Variants in FGD4 observed in about 807,000 individuals in gnomAD.
FGD4 encodes FYVE, RhoGEF and PH domain-containing protein 4.
Under a neutral mutation model 102.0 loss-of-function variants are expected in FGD4, and 42 were observed. The ratio of observed to expected loss-of-function variants is 0.41; its 90% CI spans 0.32 to 0.53. FGD4 has a LOEUF of 0.53. FGD4 is among the 20% of genes least tolerant of loss of function. The probability of loss-of-function intolerance (pLI) is 0.21; values close to 1 mark genes in which losing one functional copy is unlikely to be tolerated. For missense variants in FGD4, 902 were observed against 1,078.2 expected (o/e 0.84, Z 2.29); for synonymous variants, 380 against 375.7 (o/e 1.01, Z -0.13).
intron 1 of FGD4, among the ~76,000 whole-genome samples, chr12:32,467,666 A>T (rs1943297750): frequency 6.6e-6 from 1 of 152,176 alleles, no homozygotes; most frequent in Admixed American, 6.5e-5. Context: ...TTGATTTAAA[A>T]CCAATCTTGT....
chr12:32,589,647 C>G (rs1325020702), intron 4 of FGD4, among the ~76,000 whole-genome samples: 1 of 152,194 alleles, frequency 6.6e-6, no homozygotes, highest in South Asian at 2.1e-4. Flanking sequence ...AAGTTGTTCT[C>G]TCTTCACCAC....
At chr12:32,550,127 G>C (rs1213145765) in intron 1 of FGD4, among the ~76,000 whole-genome samples, 2 of 152,158 alleles carry the variant, frequency 1.3e-5, no homozygotes, top group African/African-American at 4.8e-5. Flanking sequence ...TGAGGGTGAA[G>C]ATAGTGTCTT....
chr12:32,610,865 C>A (rs1315732030), intron 9 of FGD4, 31 bp downstream of exon 9: 1 of 1,601,950 alleles, frequency 6.2e-7, no homozygotes, highest in Non-Finnish European at 8.6e-7. Flanking sequence ...ACAGGAACCT[C>A]TGATTAGACA....
In FGD4 at chr12:32,638,721, A is replaced by C. The variant is rs750992696; in HGVS notation, c.2380A>C (p.Lys794Gln). The stretch of plus-strand genomic sequence containing the variant: ...CTTTCTTCAGTATATGGAGAAGTCA[A>C]AACCTTGGCAGAAAGCTTGGTGTGT... ...CSFLQYMEKS[K>Q]PWQKAWCVIP... The change falls in exon 16 of 17, where the codon AAA becomes CAA. Residue 794 changes from lysine to glutamine, a missense_variant. By Grantham distance (53) the Lys-to-Gln change is moderately conservative. Coordinates refer to ENST00000534526, the MANE Select transcript of FGD4 (RefSeq NM_001370298.3). The C allele has an allele frequency of 1.2e-6, 2 of 1,614,220 alleles. No homozygotes were observed. The highest frequency in any genetic ancestry group is 8.5e-7 in the Non-Finnish European group (1 of 1,180,038).
intron 1 of FGD4, among the ~76,000 whole-genome samples, chr12:32,423,675 C>G (rs1288607281): frequency 6.6e-6 from 1 of 151,200 alleles, no homozygotes; most frequent in Non-Finnish European, 1.5e-5. Context: ...CCATGGGCTG[C>G]TGGTTGACTA....
chr12:32,491,618 AT>A (rs1340035862), intron 1 of FGD4, among the ~76,000 whole-genome samples: 9 of 152,076 alleles, frequency 5.9e-5, no homozygotes, highest in Admixed American at 5.9e-4. Flanking sequence ...TTCATTTCTT[AT>A]GTTTGTGAAA....
intron 2 of FGD4, among the ~76,000 whole-genome samples, chr12:32,571,138 T>C (rs1452680598): frequency 6.6e-6 from 1 of 152,228 alleles, no homozygotes; most frequent in Non-Finnish European, 1.5e-5. Context: ...TGAATTTGTT[T>C]TATGAAATAG....
intron 1 of FGD4, among the ~76,000 whole-genome samples, chr12:32,480,961 A>G (rs1049556909): frequency 1.1e-4 from 17 of 151,110 alleles, no homozygotes; most frequent in African/African-American, 3.9e-4. Context: ...GCATGGCCAC[A>G]CCCGGCCAAT....
intron 1 of FGD4, among the ~76,000 whole-genome samples, chr12:32,540,264 C>A (rs557020004): frequency 1.5e-4 from 23 of 152,114 alleles, no homozygotes; most frequent in African/African-American, 5.5e-4. Flanking sequence ...AGGAGAGGTA[C>A]AAAATATGTT....
chr12:32,640,149 C>A, intron 16 of FGD4, 127 bp from the exon 17 acceptor site: 2 of 1,403,138 alleles, frequency 1.4e-6, no homozygotes, highest in South Asian at 1.2e-5. Flanking sequence ...GCCCTCTGTG[C>A]CCATGGAGAA....
At chr12:32,415,687 G>A (rs564671568) in intron 1 of FGD4, among the ~76,000 whole-genome samples, 16 of 152,094 alleles carry the variant, frequency 1.1e-4, no homozygotes, top group Admixed American at 6.5e-4. Flanking sequence ...TCCCAAATGC[G>A]GAGCCACCAG....
chr12:32,539,530 T>C (rs1341133299), intron 1 of FGD4, among the ~76,000 whole-genome samples: 2 of 151,182 alleles, frequency 1.3e-5, no homozygotes, highest in African/African-American at 4.9e-5. Flanking sequence ...GATCGCGCCA[T>C]TGCACTCCAG....
intron 1 of FGD4, among the ~76,000 whole-genome samples, chr12:32,483,451 CA>C (rs1238553936): frequency 6.6e-6 from 1 of 152,130 alleles, no homozygotes; most frequent in Non-Finnish European, 1.5e-5. Context: ...TAAAAATCTA[CA>C]ATGTACAATG....
At chr12:32,566,704 G>A (rs930921351) in intron 2 of FGD4, among the ~76,000 whole-genome samples, 1 of 152,168 alleles carries the variant, frequency 6.6e-6, no homozygotes, top group African/African-American at 2.4e-5. Context: ...CTCTTTAGTG[G>A]AGAGAAGCTG....
At chr12:32,446,009 T>C (rs1454018380) in intron 1 of FGD4, among the ~76,000 whole-genome samples, 1 of 152,012 alleles carries the variant, frequency 6.6e-6, no homozygotes, top group Non-Finnish European at 1.5e-5. Flanking sequence ...CTACTAAAAA[T>C]ACAAAAAGTT....
intron 1 of FGD4, among the ~76,000 whole-genome samples, 157 bp downstream of exon 1, chr12:32,400,116 C>T (rs1193553589): frequency 6.6e-6 from 1 of 152,218 alleles, no homozygotes; most frequent in African/African-American, 2.4e-5. Context: ...CCACCCACTC[C>T]CTTAGCTATG....
chr12:32,598,388 AAAG>A, intron 4 of FGD4, 106 bp from the exon 5 acceptor site: 1 of 757,536 alleles, frequency 1.3e-6, no homozygotes, highest in African/African-American at 1.8e-5. Flanking sequence ...GAGTAACTGA[AAAG>A]CTTGAGAAAA....
chr12:32,521,894 G>A (rs1053808608), intron 1 of FGD4, among the ~76,000 whole-genome samples: 2 of 151,930 alleles, frequency 1.3e-5, no homozygotes, highest in African/African-American at 2.4e-5. Context: ...AGGCTATATA[G>A]GTATTTTATA....
chr12:32,407,423 G>T (rs1202156794), intron 1 of FGD4, among the ~76,000 whole-genome samples: 1 of 152,198 alleles, frequency 6.6e-6, no homozygotes, highest in Non-Finnish European at 1.5e-5. Context: ...ACTACGCCTG[G>T]CCAAGAAGCT....
Sources: allele counts gnomAD v4.1 joint callset (sites outside exome capture counted in the v4.1 genomes callset), GRCh38; gene constraint gnomAD v4.1.1; transcripts MANE v1.5; gene names NCBI Gene and HGNC (gene_info 2026-07-23, HGNC 2026-07-21).